AGPAT3: variants seen among roughly 807,000 people sequenced by gnomAD.
AGPAT3 encodes 1-acyl-sn-glycerol-3-phosphate acyltransferase gamma.
In AGPAT3, 5 loss-of-function variants were observed where a neutral mutation model predicts 47.3. The observed-to-expected ratio is 0.11, with a 90% confidence interval of 0.06 to 0.22. The LOEUF is 0.22. Among genes scored for constraint, AGPAT3 ranks in the 10% least tolerant of loss-of-function variants. The probability of loss-of-function intolerance (pLI) is 1.00; values close to 1 mark genes in which losing one functional copy is unlikely to be tolerated. For missense variants in AGPAT3, 315 were observed against 493.0 expected, an observed-to-expected ratio of 0.64 and a Z score of 3.42; for synonymous variants, 212 against 208.3, an observed-to-expected ratio of 1.02 and a Z score of -0.15.
chr21:43,899,034 G>T (rs1020222622), intron 1 of AGPAT3, among the ~76,000 whole-genome samples: 1 of 152,226 alleles, frequency 6.6e-6, no homozygotes, highest in African/African-American at 2.4e-5. Flanking sequence ...TTTTGTGTTA[G>T]ATTTGCACAC....
At chr21:43,944,212 C>A (rs2087780152) in intron 2 of AGPAT3, among the ~76,000 whole-genome samples, 1 of 152,262 alleles carries the variant, frequency 6.6e-6, no homozygotes, top group African/African-American at 2.4e-5. Flanking sequence ...CTCGGAAATG[C>A]AGGCTGAGTG....
intron 1 of AGPAT3, chr21:43,866,532 G>A (rs2085510485): frequency 1.3e-5 from 2 of 152,176 alleles, no homozygotes; most frequent in African/African-American, 4.8e-5. Flanking sequence ...GGGGTCTCCC[G>A]AGGATGCTGA....
chr21:43,876,072 T>A (rs1294546881), intron 1 of AGPAT3, among the ~76,000 whole-genome samples: 1 of 152,138 alleles, frequency 6.6e-6, no homozygotes, highest in African/African-American at 2.4e-5. Flanking sequence ...ACAGGCACCA[T>A]GCCCAGCCTA....
In AGPAT3 at chr21:43,970,115, TCTC is replaced by T. The variant is rs201280704; in HGVS notation, c.511-534_511-532del. ...CCTCTGCCTCCCGGGTTCCAGCAGT[TCTC>T]CTCTCTCAGCCTCCAAGTTGCTGGG... On this transcript the variant is annotated intron_variant, in intron 5 of 9. Coordinates refer to ENST00000291572, the MANE Select transcript of AGPAT3 (RefSeq NM_020132.5). This position sits in a 1 kb window ranked among gnomAD's most constrained non-coding sequence, Gnocchi z 5.8. Among the ~76,000 whole-genome samples, 1,304 of 151,900 alleles carry T rather than the reference TCTC, an allele frequency of 8.6e-3. 21 individuals are homozygous for T. Among genetic ancestry groups the T allele is most frequent in the African/African-American group, 0.03 (1,234 of 41,380 alleles).
intron 2 of AGPAT3, among the ~76,000 whole-genome samples, chr21:43,950,213 C>G (rs2088123533): frequency 6.6e-6 from 1 of 152,236 alleles, no homozygotes; most frequent in African/African-American, 2.4e-5. Flanking sequence ...TACATTATTC[C>G]TGTTAGCATC....
At chr21:43,974,380 G>A (rs907252503) in intron 7 of AGPAT3, among the ~76,000 whole-genome samples, 2 of 151,804 alleles carry the variant, frequency 1.3e-5, no homozygotes, top group Non-Finnish European at 2.9e-5. Flanking sequence ...TGTGATGTGT[G>A]TGTGGTGTGT....
Position 43,985,044 on chromosome 21 carries a change from C to G in AGPAT3, c.*2652C>G, listed in dbSNP as rs1569116150. 2 of 451,130 alleles carry G rather than the reference C, an allele frequency of 4.4e-6. No individual in the cohort carries two copies. Among genetic ancestry groups the G allele is most frequent in the Non-Finnish European group, 8.9e-6 (2 of 224,258 alleles). The allele number at this position is 451,130 out of a possible 1,614,324, so 27.9% of individuals were successfully genotyped here. A position where few individuals can be genotyped will look rare whatever the true frequency, so the allele number is the denominator to read the frequency against. On this transcript the variant is annotated 3_prime_UTR_variant, in exon 10 of 10. Transcript: ENST00000291572. Reference sequence around the variant, plus strand: ...TACCCACCCAGAGCCAGGCGCCACACTGGAGGCTCCCAGGCGGGAGGGCCC... The same window carrying G: ...TACCCACCCAGAGCCAGGCGCCACAGTGGAGGCTCCCAGGCGGGAGGGCCC...
In AGPAT3 at chr21:43,981,389, A is replaced by C. The variant is rs1199837151; in HGVS notation, c.1042+202A>C. The C allele has an allele frequency of 4.7e-6, 3 of 632,228 alleles. No homozygotes were observed. In the African/African-American group the frequency reaches 5.5e-5, roughly 12 times the overall value. The allele number at this position is 632,228 out of a possible 1,614,324, so 39.2% of individuals were successfully genotyped here. A position where few individuals can be genotyped will look rare whatever the true frequency, so the allele number is the denominator to read the frequency against. On this transcript the variant is annotated intron_variant, in intron 9 of 9. Coordinates refer to ENST00000291572, the MANE Select transcript of AGPAT3 (RefSeq NM_020132.5). The surrounding 1 kb of genome is among the most constrained non-coding windows in gnomAD (Gnocchi z 5.3). ...TGAGCTGAGGGTCGCCTCCCCAGAG[A>C]GCCGAACGGCCGCCACCTGGCGCCA...
At chr21:43,906,827 AC>A (rs935099125) in intron 2 of AGPAT3, among the ~76,000 whole-genome samples, 3 of 152,072 alleles carry the variant, frequency 2.0e-5, no homozygotes, top group African/African-American at 7.2e-5. Flanking sequence ...GCGTGGAGAC[AC>A]CCGTGCTCCG....
intron 2 of AGPAT3, among the ~76,000 whole-genome samples, chr21:43,946,109 C>T (rs772716674): frequency 8.5e-5 from 13 of 152,248 alleles, no homozygotes; most frequent in Non-Finnish European, 1.8e-4. Flanking sequence ...ATGCCATTCC[C>T]CTGCAGGCCC....
At position 43,970,774 on chromosome 21, in the gene AGPAT3, TCAC is replaced by T; in HGVS notation, c.637_639del (p.Thr213del). 1 of 1,600,402 alleles carries T rather than the reference TCAC, an allele frequency of 6.2e-7. No individual in the cohort carries two copies. The highest frequency in any genetic ancestry group is 8.5e-7 in the Non-Finnish European group (1 of 1,170,358). On this transcript the variant is annotated inframe_deletion, in exon 6 of 10. Transcript: ENST00000291572. The surrounding 1 kb of genome is among the most constrained non-coding windows in gnomAD (Gnocchi z 5.8). ...CACCTGCTGCCGCGGACCAAGGGCT[TCAC>T]CACCGCAGTCAAGTGCCTCCGGGGG... is the stretch of plus-strand genomic sequence containing the variant.
intron 2 of AGPAT3, among the ~76,000 whole-genome samples, chr21:43,910,633 G>A (rs1276454312): frequency 6.6e-6 from 1 of 152,218 alleles, no homozygotes; most frequent in East Asian, 1.9e-4. Context: ...GGAGGAGGTG[G>A]GTGTTCCGGT....
intron 2 of AGPAT3, among the ~76,000 whole-genome samples, chr21:43,956,510 A>C (rs1224646135): frequency 6.6e-6 from 1 of 152,226 alleles, no homozygotes; most frequent in East Asian, 1.9e-4. Context: ...TTAAGCCCAT[A>C]AAAAGTGTTT....
At chr21:43,957,944 G>A (rs2088573568) in intron 2 of AGPAT3, among the ~76,000 whole-genome samples, 1 of 152,216 alleles carries the variant, frequency 6.6e-6, no homozygotes, top group South Asian at 2.1e-4. Context: ...AGGGGGAGCC[G>A]GTGGAGCCCC....
chr21:43,982,633 G>A lies in AGPAT3; in HGVS notation c.*241G>A, dbSNP rs2089893607. On this transcript the variant is annotated 3_prime_UTR_variant, in exon 10 of 10. Transcript: ENST00000291572. This position sits in a 1 kb window ranked among gnomAD's most constrained non-coding sequence, Gnocchi z 6.2. ...CGCCCGTGGGAGGTGGGTCCGGCCG[G>A]AGAGGCCTCCCGCGGACGCCGTCTC... 2.8e-6 allele frequency: 1 copy of A among 362,716 alleles called. No individual in the cohort carries two copies. The highest frequency in any genetic ancestry group is 2.2e-5 in the African/African-American group (1 of 46,464). 22.5% of individuals were successfully genotyped at this position (362,716 alleles called of 1,614,324 possible).
intron 1 of AGPAT3, among the ~76,000 whole-genome samples, chr21:43,873,696 A>C (rs1667964327): frequency 6.6e-6 from 1 of 152,188 alleles, no homozygotes; most frequent in Non-Finnish European, 1.5e-5. Flanking sequence ...CAGTTTCTTG[A>C]TACAAAGGTC....
intron 7 of AGPAT3, among the ~76,000 whole-genome samples, chr21:43,974,249 A>T (rs1467786059): frequency 6.6e-6 from 1 of 152,080 alleles, no homozygotes; most frequent in African/African-American, 2.4e-5. Flanking sequence ...ATATGTGTGT[A>T]TAAATTATAT....
At chr21:43,956,025 C>T (rs911926295) in intron 2 of AGPAT3, among the ~76,000 whole-genome samples, 13 of 152,176 alleles carry the variant, frequency 8.5e-5, no homozygotes, top group African/African-American at 2.7e-4. Flanking sequence ...CTCAAGCAGG[C>T]TTCTTGGGAC....
chr21:43,881,695 G>A (rs144568253), intron 1 of AGPAT3, among the ~76,000 whole-genome samples: 7 of 152,008 alleles, frequency 4.6e-5, no homozygotes, highest in South Asian at 2.1e-4. Context: ...TTGCTCTGTC[G>A]CCCAGGCTGG....
Sources: gnomAD v4.1 joint callset for allele counts (sites outside exome capture counted in the v4.1 genomes callset) on GRCh38, gnomAD v4.1.1 for gene constraint, Gnocchi (gnomAD v3.1) non-coding constraint, MANE v1.5 for transcripts, NCBI Gene and HGNC (gene_info 2026-07-23, HGNC 2026-07-21) for gene names.